The following CACNA2D1 variants were observed in gnomAD, a reference collection of about 807,000 sequenced individuals.
CACNA2D1 encodes the protein voltage-dependent calcium channel subunit alpha-2/delta-1.
In CACNA2D1, 53 loss-of-function variants were observed where a neutral mutation model predicts 171.5. The observed-to-expected ratio is 0.31, with a 90% CI of 0.25 to 0.39. CACNA2D1 has a LOEUF of 0.39. Among genes scored for constraint, CACNA2D1 ranks in the 10% least tolerant of loss-of-function variants. CACNA2D1 has a pLI of 1.00. For synonymous variants in CACNA2D1, 442 were observed against 443.1 expected (o/e 1.00, Z 0.03); for missense variants, 903 against 1,299.8 (o/e 0.69, Z 4.69).
intron 9 of CACNA2D1, among the ~76,000 whole-genome samples, chr7:82,062,173 T>C (rs2128977582): frequency 6.6e-6 from 1 of 152,310 alleles, no homozygotes; most frequent in South Asian, 2.1e-4. Flanking sequence ...CAAAGTTATC[T>C]TGGCCCACAC....
intron 3 of CACNA2D1, among the ~76,000 whole-genome samples, chr7:82,186,560 C>T (rs913393280): frequency 9.2e-5 from 14 of 152,132 alleles, no homozygotes; most frequent in African/African-American, 3.1e-4. Context: ...CTCAGAAACA[C>T]CCCAGACCTG....
intron 38 of CACNA2D1, among the ~76,000 whole-genome samples, chr7:81,958,795 TC>T (rs1793742155): frequency 6.6e-6 from 1 of 151,868 alleles, no homozygotes; most frequent in African/African-American, 2.4e-5. Context: ...TCAGAAACCA[TC>T]CAAAAGAAAC....
chr7:82,417,557 C>T lies in CACNA2D1; in HGVS notation c.95+25808G>A, dbSNP rs147511676. Among the ~76,000 whole-genome samples, 704 of 152,280 alleles carry T rather than the reference C, an allele frequency of 4.6e-3. 3 individuals carry two copies. Among genetic ancestry groups the T allele is most frequent in the African/African-American group, 0.014 (580 of 41,562 alleles). The stretch of plus-strand genomic sequence containing the variant: ...AGCCAGAATTGGACACCACTGGCCA[C>T]GGAAACATGTATCATGGGTCAATTT... On this transcript the variant is annotated intron_variant, in intron 1 of 38. Transcript: ENST00000356860.
chr7:82,323,826 A>G (rs1816298249), intron 3 of CACNA2D1, among the ~76,000 whole-genome samples: 2 of 152,214 alleles, frequency 1.3e-5, no homozygotes, highest in African/African-American at 4.8e-5. Flanking sequence ...CTCATTTCCA[A>G]GAGATTTCAT....
chr7:81,967,244 A>T (rs764627235), intron 30 of CACNA2D1, 37 bp from the exon 31 acceptor site: 2 of 1,553,834 alleles, frequency 1.3e-6, no homozygotes, highest in Admixed American at 3.4e-5. Flanking sequence ...CTCACTTTTA[A>T]AAGTTGGATT....
chr7:81,991,838 ATT>A (rs140712223), intron 20 of CACNA2D1, among the ~76,000 whole-genome samples: 8 of 143,322 alleles, frequency 5.6e-5, no homozygotes, highest in East Asian at 2.0e-4. Flanking sequence ...CACATGTATA[ATT>A]TTTTTTTTTT....
intron 21 of CACNA2D1, among the ~76,000 whole-genome samples, chr7:81,986,629 T>C (rs1185481207): frequency 6.6e-6 from 1 of 152,168 alleles, no homozygotes; most frequent in Admixed American, 6.6e-5. Flanking sequence ...GCAAAATGAA[T>C]GGATGCTTGT....
At chr7:82,437,730 C>T (rs1326964595) in intron 1 of CACNA2D1, among the ~76,000 whole-genome samples, 1 of 151,866 alleles carries the variant, frequency 6.6e-6, no homozygotes, top group South Asian at 2.1e-4. Flanking sequence ...GCAATGACCG[C>T]TTTCTTTACT....
intron 2 of CACNA2D1, among the ~76,000 whole-genome samples, chr7:82,347,663 C>T (rs1819396146): frequency 6.6e-6 from 1 of 152,110 alleles, no homozygotes; most frequent in Non-Finnish European, 1.5e-5. Flanking sequence ...TGCCCTAGTA[C>T]TTAAATTCTA....
At chr7:82,245,560 C>T (rs906690758) in intron 3 of CACNA2D1, among the ~76,000 whole-genome samples, 2 of 151,826 alleles carry the variant, frequency 1.3e-5, no homozygotes, top group East Asian at 3.9e-4. Context: ...AAAAATACAA[C>T]CCCAAATTTT....
chr7:82,151,736 G>C (rs572340526), intron 4 of CACNA2D1, among the ~76,000 whole-genome samples: 1 of 152,132 alleles, frequency 6.6e-6, no homozygotes, highest in African/African-American at 2.4e-5. Context: ...ATGTGTTATG[G>C]AACAAAGGAA....
chr7:82,373,472 T>C (rs75227709), intron 1 of CACNA2D1, among the ~76,000 whole-genome samples: 3,421 of 152,282 alleles, frequency 0.022, 113 homozygotes, highest in African/African-American at 0.078. Context: ...AAGAACTTAA[T>C]TTTCTGTGCT....
At chr7:82,023,430 C>G (rs945907640) in intron 12 of CACNA2D1, among the ~76,000 whole-genome samples, 2 of 151,758 alleles carry the variant, frequency 1.3e-5, no homozygotes, top group African/African-American at 4.8e-5. Flanking sequence ...CTCCTGCAGC[C>G]TCATTCATCA....
chr7:82,382,787 A>G (rs75211541), intron 1 of CACNA2D1, among the ~76,000 whole-genome samples: 20,829 of 152,220 alleles, frequency 0.14, 1,735 homozygotes, highest in South Asian at 0.27. Context: ...TAATTAAGTG[A>G]CATGTTCAGA....
At chr7:82,091,411 T>A (rs1412823564) in intron 6 of CACNA2D1, among the ~76,000 whole-genome samples, 1 of 152,160 alleles carries the variant, frequency 6.6e-6, no homozygotes, top group Non-Finnish European at 1.5e-5. Flanking sequence ...ATTACTGAGA[T>A]TTCTGGCCTT....
chr7:82,235,378 T>C (rs1219614267), intron 3 of CACNA2D1, among the ~76,000 whole-genome samples: 1 of 152,142 alleles, frequency 6.6e-6, no homozygotes, highest in East Asian at 1.9e-4. Context: ...CCTTCAAAGA[T>C]GTTATCCAGA....
intron 1 of CACNA2D1, among the ~76,000 whole-genome samples, chr7:82,408,620 C>T (rs1827321329): frequency 6.6e-6 from 1 of 152,128 alleles, no homozygotes. Flanking sequence ...GTTGAGATAA[C>T]TTTCTCTCTT....
At chr7:81,955,912 G>T (rs1380113407) in intron 38 of CACNA2D1, among the ~76,000 whole-genome samples, 1 of 110,794 alleles carries the variant, frequency 9.0e-6, no homozygotes, top group Non-Finnish European at 1.8e-5. Context: ...TGGTGGGGGG[G>T]GGGGGGGGTG....
chr7:82,023,221 G>A (rs1801459816), intron 12 of CACNA2D1, among the ~76,000 whole-genome samples: 1 of 151,876 alleles, frequency 6.6e-6, no homozygotes, highest in East Asian at 1.9e-4. Context: ...GAATGGCAAT[G>A]CTGCAGGTAA....
Sources: allele counts gnomAD v4.1 joint callset (sites outside exome capture counted in the v4.1 genomes callset), GRCh38; gene constraint gnomAD v4.1.1; transcripts MANE v1.5; gene names NCBI Gene and HGNC (gene_info 2026-07-23, HGNC 2026-07-21).